Variants in COPG2 observed in about 807,000 individuals in gnomAD.
COPG2 encodes the protein coatomer subunit gamma-2.
Under a neutral mutation model 46.3 loss-of-function variants are expected in COPG2, and 37 were observed. The observed-to-expected ratio is 0.80, with a 90% CI of 0.61 to 1.05. COPG2 has a LOEUF of 1.05. Ranked by LOEUF, COPG2 falls within the 50% of genes least tolerant of loss-of-function variation. The pLI is 0.00. For missense variants in COPG2, 427 were observed against 387.8 expected (o/e 1.10, Z -0.85); for synonymous variants, 159 against 129.7 (o/e 1.23, Z -1.53).
chr7:130,631,895 T>G (rs966771817), intron 5 of COPG2, among the ~76,000 whole-genome samples: 2 of 152,220 alleles, frequency 1.3e-5, no homozygotes, highest in African/African-American at 4.8e-5. Context: ...AAAAAATCCC[T>G]TTTATAATTA....
chr7:130,594,563 G>A (rs1554449470), intron 9 of COPG2, among the ~76,000 whole-genome samples: 1 of 152,166 alleles, frequency 6.6e-6, no homozygotes, highest in Non-Finnish European at 1.5e-5. Flanking sequence ...TATCAAGAAA[G>A]TGAAGAGATG....
At chr7:130,509,418 G>A (rs1362295787) in intron 20 of COPG2, 16 of 419,956 alleles carry the variant, frequency 3.8e-5, no homozygotes, top group Non-Finnish European at 7.0e-5. Flanking sequence ...AGGCATTTAG[G>A]ATCTTGTCTA....
At chr7:130,569,773 A>G (rs1793864206) in intron 9 of COPG2, among the ~76,000 whole-genome samples, 1 of 152,196 alleles carries the variant, frequency 6.6e-6, no homozygotes, top group East Asian at 1.9e-4. Flanking sequence ...ACTACAGACC[A>G]ATATCCCTGA....
chr7:130,533,741 G>A lies in COPG2; in HGVS notation c.2149+13933C>T, dbSNP rs1662090817. On this transcript the variant is annotated intron_variant, in intron 20 of 23. Transcript: ENST00000425248. ...GACATTAAGGAAAAGACTCCTGAGT[G>A]CACTGACTGACCCTGAGGTGGTAGG... Among the ~76,000 whole-genome samples, 5 of 152,258 alleles carry A rather than the reference G, an allele frequency of 3.3e-5. No individual in the cohort carries two copies. The South Asian group carries it at 1.0e-3, about 32-fold the overall frequency.
Position 130,533,636 on chromosome 7 carries a change from G to A in COPG2, c.2149+14038C>T, listed in dbSNP as rs1025230881. 2.0e-5 allele frequency among the ~76,000 whole-genome samples: 3 copies of A among 152,272 alleles called. No individual in the cohort carries two copies. The East Asian group carries it at 5.8e-4, about 29-fold the overall frequency. On this transcript the variant is annotated intron_variant, in intron 20 of 23. Coordinates refer to ENST00000425248, the MANE Select transcript of COPG2 (RefSeq NM_012133.6). ...GAATGATCAGAGCTCAAATCAGACA[G>A]TAGATGAATGAATACAGCATGTTAG...
intron 20 of COPG2, among the ~76,000 whole-genome samples, chr7:130,534,592 A>G (rs2116363273): frequency 6.6e-6 from 1 of 152,176 alleles, no homozygotes; most frequent in East Asian, 1.9e-4. Context: ...GCAGCAATAC[A>G]GAGTAAATCC....
chr7:130,550,511 G>T lies in COPG2; in HGVS notation c.1774+13C>A. The stretch of plus-strand genomic sequence containing the variant: ...CAAAACTACTTATACACAGAAAAAT[G>T]AATAGAGTGAACCTGCTTTCTGTTC... On this transcript the variant is annotated intron_variant, in intron 17 of 23. Coordinates refer to ENST00000425248, the MANE Select transcript of COPG2 (RefSeq NM_012133.6). The T allele has an allele frequency of 2.7e-6, 1 of 367,188 alleles. No homozygotes were observed. The highest frequency in any genetic ancestry group is 4.8e-6 in the Non-Finnish European group (1 of 207,388). The allele number at this position is 367,188 out of a possible 1,614,324, so 22.7% of individuals were successfully genotyped here.
intron 5 of COPG2, among the ~76,000 whole-genome samples, chr7:130,647,804 C>A (rs1795647084): frequency 6.6e-6 from 1 of 151,118 alleles, no homozygotes; most frequent in African/African-American, 2.4e-5. Context: ...GATCTCGGCT[C>A]ACCACAACCT....
intron 21 of COPG2, chr7:130,508,116 C>A: frequency 3.3e-6 from 1 of 305,686 alleles, no homozygotes; most frequent in Non-Finnish European, 6.0e-6. Context: ...TGATCATTCA[C>A]TAAGAGGTTG....
At chr7:130,568,232 G>A (rs1182173662) in intron 9 of COPG2, among the ~76,000 whole-genome samples, 10 of 152,112 alleles carry the variant, frequency 6.6e-5, no homozygotes, top group South Asian at 6.2e-4. Context: ...CCAAGATCGC[G>A]CCATTGCACT....
intron 5 of COPG2, among the ~76,000 whole-genome samples, chr7:130,633,879 TTTGAG>T (rs1450707202): frequency 2.0e-5 from 3 of 152,042 alleles, no homozygotes; most frequent in African/African-American, 7.2e-5. Flanking sequence ...TTTAATCCAT[TTTGAG>T]TTAATTTTTG....
intron 5 of COPG2, among the ~76,000 whole-genome samples, chr7:130,652,327 G>C (rs1314541444): frequency 1.3e-5 from 2 of 152,160 alleles, no homozygotes; most frequent in African/African-American, 4.8e-5. Flanking sequence ...TTATTACTCT[G>C]TCTCCTTTGT....
intron 5 of COPG2, among the ~76,000 whole-genome samples, chr7:130,649,370 TCTTGA>T (rs1289881014): frequency 3.3e-5 from 5 of 152,286 alleles, no homozygotes; most frequent in African/African-American, 1.2e-4. Flanking sequence ...ACAGGTCTCT[TCTTGA>T]CTTATTTCTC....
chr7:130,657,012 TATAG>T (rs1340110397), intron 4 of COPG2, among the ~76,000 whole-genome samples: 2 of 150,164 alleles, frequency 1.3e-5, no homozygotes, highest in Non-Finnish European at 3.0e-5. Flanking sequence ...CTATATATAA[TATAG>T]ATATTTAAAA....
At chr7:130,595,196 T>C (rs1251995937) in intron 9 of COPG2, among the ~76,000 whole-genome samples, 1 of 152,230 alleles carries the variant, frequency 6.6e-6, no homozygotes, top group African/African-American at 2.4e-5. Context: ...AGAGAAGTAC[T>C]GATAACTTCT....
intron 5 of COPG2, among the ~76,000 whole-genome samples, chr7:130,630,393 T>C (rs1299197621): frequency 2.6e-5 from 4 of 152,232 alleles, no homozygotes; most frequent in African/African-American, 9.6e-5. Context: ...TTTTTGCATA[T>C]TGATCTTGTA....
intron 1 of COPG2, among the ~76,000 whole-genome samples, chr7:130,668,355 G>A (rs1173234552): frequency 6.6e-6 from 1 of 150,808 alleles, no homozygotes; most frequent in Non-Finnish European, 1.5e-5. Flanking sequence ...GGGAGGAGGC[G>A]GCTCGGAGGG....
At chr7:130,517,371 A>T (rs1799688153) in intron 20 of COPG2, among the ~76,000 whole-genome samples, 1 of 152,230 alleles carries the variant, frequency 6.6e-6, no homozygotes, top group South Asian at 2.1e-4. Flanking sequence ...CAAGTGGTCA[A>T]ATTGGGTGGG....
At chr7:130,583,533 G>A (rs186121296) in intron 9 of COPG2, among the ~76,000 whole-genome samples, 2,245 of 143,864 alleles carry the variant, frequency 0.016, 61 homozygotes, top group African/African-American at 0.054. Flanking sequence ...CAGGCCTGGT[G>A]CAGTGGCTCA....
Sources: allele counts gnomAD v4.1 joint callset (sites outside exome capture counted in the v4.1 genomes callset), GRCh38; gene constraint gnomAD v4.1.1; transcripts MANE v1.5; gene names NCBI Gene and HGNC (gene_info 2026-07-23, HGNC 2026-07-21).